Variants in CTNNA2 observed in about 807,000 individuals in gnomAD.
CTNNA2 encodes catenin alpha-2.
Under a neutral mutation model 101.0 loss-of-function variants are expected in CTNNA2, and 42 were observed. The observed-to-expected ratio is 0.42, with a 90% confidence interval of 0.32 to 0.54. The LOEUF is 0.54. Among genes scored for constraint, CTNNA2 ranks in the 20% least tolerant of loss-of-function variants. The pLI is 0.14. For synonymous variants in CTNNA2, 450 were observed against 456.4 expected (o/e 0.99, Z 0.18); for missense variants, 871 against 1,223.1 (o/e 0.71, Z 4.29).
intron 9 of CTNNA2, among the ~76,000 whole-genome samples, chr2:80,438,182 C>T (rs1682213348): frequency 6.6e-6 from 1 of 152,174 alleles, no homozygotes; most frequent in Admixed American, 6.5e-5. Context: ...CTCGCATGGT[C>T]TTTCCTCTAT....
intron 18 of CTNNA2, among the ~76,000 whole-genome samples, chr2:80,627,699 T>C (rs10178283): frequency 0.58 from 87,645 of 151,964 alleles, 25,721 homozygotes; most frequent in African/African-American, 0.67. Context: ...TGTGCAGAAG[T>C]TCATTAGTTT....
At chr2:80,131,687 G>A (rs1468035471) in intron 7 of CTNNA2, among the ~76,000 whole-genome samples, 1 of 152,062 alleles carries the variant, frequency 6.6e-6, no homozygotes, top group African/African-American at 2.4e-5. Flanking sequence ...CAAATTCTAA[G>A]CCTCACCATG....
At chr2:80,568,566 CGTGTGTGTGTGTGTGTGT>C (rs36104924) in intron 12 of CTNNA2, among the ~76,000 whole-genome samples, 2 of 149,310 alleles carry the variant, frequency 1.3e-5, no homozygotes, top group African/African-American at 2.5e-5. Context: ...TAATGGTGTG[CGTGTGTGTGTGTGTGTGT>C]GTGTGTGTGT....
At position 80,266,649 on chromosome 2, in the gene CTNNA2, T is replaced by A. The variant is rs1337263564; in HGVS notation, c.1057-126562T>A. Among the ~76,000 whole-genome samples the A allele has an allele frequency of 2.0e-5, 3 of 152,252 alleles. No individual in the cohort carries two copies. In the East Asian group the frequency reaches 5.8e-4, roughly 29 times the overall value. On this transcript the variant is annotated intron_variant, in intron 7 of 18. Transcript: ENST00000402739. ...CGGTATGGATAAAGAGTAATTGATG[T>A]GCAGTATTAAAAAAGATAAGTTTGA...
intron 9 of CTNNA2, among the ~76,000 whole-genome samples, chr2:80,434,106 C>G (rs938060177): frequency 1.3e-5 from 2 of 152,132 alleles, no homozygotes; most frequent in Non-Finnish European, 2.9e-5. Flanking sequence ...ATTTTCTTGC[C>G]TGATAGAGTC....
At chr2:79,400,290 T>C (rs926505488) in intron 4 of CTNNA2, among the ~76,000 whole-genome samples, 3 of 151,934 alleles carry the variant, frequency 2.0e-5, no homozygotes, top group African/African-American at 7.2e-5. Context: ...GGTATGTAGC[T>C]TTTTTATCTT....
intron 18 of CTNNA2, among the ~76,000 whole-genome samples, chr2:80,642,934 A>T (rs142774491): frequency 6.6e-6 from 1 of 152,296 alleles, no homozygotes; most frequent in East Asian, 1.9e-4. Context: ...GTTGAGTGGT[A>T]TTAAGAAGAG....
intron 4 of CTNNA2, among the ~76,000 whole-genome samples, chr2:79,478,948 GC>G (rs2104554295): frequency 6.6e-6 from 1 of 152,198 alleles, no homozygotes; most frequent in East Asian, 1.9e-4. Context: ...TTTCCAGCCT[GC>G]TTTTGCTGTT....
chr2:79,999,821 G>A (rs1452070196), intron 7 of CTNNA2, among the ~76,000 whole-genome samples: 2 of 152,166 alleles, frequency 1.3e-5, no homozygotes, highest in Non-Finnish European at 2.9e-5. Flanking sequence ...ATTAGCATCT[G>A]CAATTTCTCA....
intron 1 of CTNNA2, among the ~76,000 whole-genome samples, chr2:79,514,845 C>CT (rs1310776778): frequency 6.6e-6 from 1 of 152,168 alleles, no homozygotes; most frequent in African/African-American, 2.4e-5. Context: ...ATGGTGGATT[C>CT]TTTGAAGTTG....
intron 1 of CTNNA2, among the ~76,000 whole-genome samples, chr2:79,610,122 A>C (rs1445211598): frequency 6.6e-6 from 1 of 152,130 alleles, no homozygotes; most frequent in East Asian, 1.9e-4. Flanking sequence ...TTTAAATAGC[A>C]TCTATCAAAG....
chr2:80,399,144 T>C (rs748648104), intron 8 of CTNNA2, among the ~76,000 whole-genome samples: 19 of 150,650 alleles, frequency 1.3e-4, no homozygotes, highest in Admixed American at 7.9e-4. Context: ...ACTCCTGACC[T>C]CAATACCGTG....
chr2:80,267,220 T>C (rs2149132731), intron 7 of CTNNA2, among the ~76,000 whole-genome samples: 1 of 152,246 alleles, frequency 6.6e-6, no homozygotes, highest in African/African-American at 2.4e-5. Flanking sequence ...CCACTAGTTC[T>C]CAGAGGATAT....
intron 7 of CTNNA2, among the ~76,000 whole-genome samples, chr2:80,086,855 GAAA>G (rs761039220): frequency 2.6e-5 from 4 of 152,114 alleles, no homozygotes; most frequent in Admixed American, 1.3e-4. Flanking sequence ...ATGGCCTCAA[GAAA>G]CTGATTTGGT....
chr2:79,368,424 A>T (rs971116149), intron 3 of CTNNA2, among the ~76,000 whole-genome samples: 1 of 152,160 alleles, frequency 6.6e-6, no homozygotes, highest in Non-Finnish European at 1.5e-5. Context: ...GCCTTCCCAC[A>T]GTGTCACCAC....
intron 7 of CTNNA2, among the ~76,000 whole-genome samples, chr2:80,027,159 C>T (rs1352698874): frequency 6.6e-6 from 1 of 152,182 alleles, no homozygotes; most frequent in Non-Finnish European, 1.5e-5. Flanking sequence ...TGCAGTGCCG[C>T]TCTGAGAAGG....
intron 7 of CTNNA2, among the ~76,000 whole-genome samples, chr2:80,096,436 T>C (rs1700158204): frequency 6.6e-6 from 1 of 152,184 alleles, no homozygotes; most frequent in South Asian, 2.1e-4. Context: ...ATGTGGTCAA[T>C]TTTGGAATAG....
rs556192863 is a variant in CTNNA2, at chr2:79,281,129, G to T, written c.-405-31580G>T. On this transcript the variant is annotated intron_variant, in intron 2 of 21. Coordinates refer to the CTNNA2 transcript ENST00000466387. ...CTCAAGATATGCTTCTGGGAAACAGGAACTAAACCAAGAACCATCCTTACA... is the reference window on the plus strand; with the variant it reads ...CTCAAGATATGCTTCTGGGAAACAGTAACTAAACCAAGAACCATCCTTACA... Among the ~76,000 whole-genome samples the T allele has an allele frequency of 3.3e-5, 5 of 152,102 alleles. 1 individual carries two copies. The South Asian group carries it at 1.0e-3, about 32-fold the overall frequency.
intron 7 of CTNNA2, among the ~76,000 whole-genome samples, chr2:79,942,878 A>T (rs572437495): frequency 3.3e-5 from 5 of 152,276 alleles, no homozygotes; most frequent in Non-Finnish European, 4.4e-5. Context: ...CACATTGACA[A>T]CAAGAAGTTC....
Sources: gnomAD v4.1 joint callset for allele counts (sites outside exome capture counted in the v4.1 genomes callset) on GRCh38, gnomAD v4.1.1 for gene constraint, MANE v1.5 for transcripts, NCBI Gene and HGNC (gene_info 2026-07-23, HGNC 2026-07-21) for gene names.